The following TMPRSS7 variants were observed in gnomAD, a reference collection of about 807,000 sequenced individuals.
The protein encoded by TMPRSS7 is transmembrane serine protease 7.
In TMPRSS7, 81 loss-of-function variants were observed where a neutral mutation model predicts 95.6. That is an observed-to-expected ratio of 0.85 (90% CI 0.71 to 1.02). TMPRSS7 has a LOEUF of 1.02. TMPRSS7 is among the 50% of genes least tolerant of loss of function. The pLI, the probability that TMPRSS7 is intolerant of heterozygous loss-of-function variation, is 0.00. For missense variants in TMPRSS7, 945 were observed against 955.2 expected (o/e 0.99, Z 0.14); for synonymous variants, 364 against 337.8 (o/e 1.08, Z -0.85).
At chr3:112,077,003 A>T (rs754935886) in exon 16 of TMPRSS7, 9 of 1,614,042 alleles carry the variant, frequency 5.6e-6, no homozygotes, top group Non-Finnish European at 7.6e-6. Context: ...TGATTATGAT[A>T]TTGCTTTGCT....
intron 13 of TMPRSS7, among the ~76,000 whole-genome samples, chr3:112,069,475 G>A (rs2073616343): frequency 6.6e-6 from 1 of 152,238 alleles, no homozygotes; most frequent in Admixed American, 6.5e-5. Context: ...TTGGTTGGTA[G>A]GCTATTAAGT....
At chr3:112,039,210 G>A (rs2073181409) in intron 2 of TMPRSS7, among the ~76,000 whole-genome samples, 1 of 152,130 alleles carries the variant, frequency 6.6e-6, no homozygotes, top group African/African-American at 2.4e-5. Context: ...TATCGGAGTT[G>A]CCATCTATAC....
chr3:112,037,074 T>A (rs2073154704), intron 1 of TMPRSS7, among the ~76,000 whole-genome samples: 1 of 152,194 alleles, frequency 6.6e-6, no homozygotes, highest in African/African-American at 2.4e-5. Context: ...AAAGCATGTG[T>A]GTTTGAACAA....
chr3:112,049,886 A>G, exon 8 of TMPRSS7: 1 of 1,554,022 alleles, frequency 6.4e-7, no homozygotes, highest in Non-Finnish European at 8.8e-7. Context: ...TTGTTTCTAC[A>G]AATAATCTCA....
chr3:112,080,572 T>TACC (rs3082394), intron 17 of TMPRSS7, among the ~76,000 whole-genome samples: 129,073 of 150,458 alleles, frequency 0.86, 55,820 homozygotes, highest in East Asian at 1. Flanking sequence ...CTACTACTAT[T>TACC]ACCACCACCA....
chr3:112,078,580 G>A lies in TMPRSS7; in HGVS notation c.2225-162G>A, dbSNP rs115133099. Among the ~76,000 whole-genome samples, 578 of 152,254 alleles carry A rather than the reference G, an allele frequency of 3.8e-3. 4 individuals carry two copies. The highest frequency in any genetic ancestry group is 0.013 in the African/African-American group (534 of 41,552). On this transcript the variant is annotated intron_variant, in intron 16 of 17. Transcript: ENST00000452346. ...CAAGCCCTTTAATCTCCTAGCACTCGATTTCTTCATCAGCAAAATGAGGAT... is the reference window on the plus strand; with the variant it reads ...CAAGCCCTTTAATCTCCTAGCACTCAATTTCTTCATCAGCAAAATGAGGAT...
At chr3:112,044,650 T>C (rs2073254560) in intron 4 of TMPRSS7, among the ~76,000 whole-genome samples, 1 of 152,302 alleles carries the variant, frequency 6.6e-6, no homozygotes, top group East Asian at 1.9e-4. Flanking sequence ...GATTTCTTAA[T>C]GTTCAGTGAA....
At chr3:112,061,283 A>G (rs1023620182) in intron 10 of TMPRSS7, among the ~76,000 whole-genome samples, 1 of 152,238 alleles carries the variant, frequency 6.6e-6, no homozygotes, top group Non-Finnish European at 1.5e-5. Context: ...GGAGACGGAC[A>G]TTAATTCTTT....
chr3:112,049,465 A>G (rs1229585196), intron 7 of TMPRSS7, among the ~76,000 whole-genome samples: 1 of 152,214 alleles, frequency 6.6e-6, no homozygotes, highest in Non-Finnish European at 1.5e-5. Context: ...GGTGCTTACA[A>G]AGATTTAAGC....
At chr3:112,035,892 T>C (rs2073147174) in intron 1 of TMPRSS7, among the ~76,000 whole-genome samples, 1 of 152,258 alleles carries the variant, frequency 6.6e-6, no homozygotes, top group Non-Finnish European at 1.5e-5. Context: ...ATGAGTGTTC[T>C]ATTTCATTCT....
At chr3:112,061,963 A>C (rs2073514418) in intron 11 of TMPRSS7, 40 bp downstream of exon 11, 2 of 1,507,926 alleles carry the variant, frequency 1.3e-6, no homozygotes, top group Non-Finnish European at 1.8e-6. Flanking sequence ...CTTAATACTT[A>C]CATAGAGGAT....
chr3:112,068,463 A>G (rs181377550), intron 13 of TMPRSS7, among the ~76,000 whole-genome samples: 1 of 152,334 alleles, frequency 6.6e-6, no homozygotes, highest in African/African-American at 2.4e-5. Context: ...TGAGCATGGA[A>G]TGTTCTTCCA....
exon 6 of TMPRSS7, chr3:112,046,982 C>T (rs946790720): frequency 1.6e-5 from 11 of 702,654 alleles, no homozygotes; most frequent in Admixed American, 4.0e-5. Flanking sequence ...AGCTGGGCTT[C>T]GGTCGGATTA....
exon 12 of TMPRSS7, chr3:112,063,556 C>G (rs774790456): frequency 1.1e-5 from 18 of 1,613,824 alleles, no homozygotes; most frequent in Non-Finnish European, 1.4e-5. Flanking sequence ...GATGCTCCTC[C>G]GGTTTATGTG....
At chr3:112,048,046 A>G (rs1364696762) in intron 7 of TMPRSS7, 79 bp downstream of exon 7, 1 of 1,405,272 alleles carries the variant, frequency 7.1e-7, no homozygotes, top group Non-Finnish European at 9.8e-7. Flanking sequence ...TTCCCCCTGG[A>G]TTTTTTTTTA....
chr3:112,044,897 T>C (rs1431176826), intron 4 of TMPRSS7, among the ~76,000 whole-genome samples: 1 of 152,174 alleles, frequency 6.6e-6, no homozygotes, highest in Non-Finnish European at 1.5e-5. Flanking sequence ...GAATGCCATG[T>C]TATGTTCCTT....
At chr3:112,074,351 A>G (rs2073688169) in exon 14 of TMPRSS7, 1 of 1,614,050 alleles carries the variant, frequency 6.2e-7, no homozygotes, top group Non-Finnish European at 8.5e-7. Context: ...GCTTTAGGAA[A>G]CAAAATGCAA....
intron 10 of TMPRSS7, among the ~76,000 whole-genome samples, chr3:112,060,130 C>T (rs1353935387): frequency 6.6e-6 from 1 of 152,104 alleles, no homozygotes; most frequent in Non-Finnish European, 1.5e-5. Flanking sequence ...TAGTGATTTT[C>T]AAAAGGGGAG....
At chr3:112,077,653 G>A (rs1267145105) in intron 16 of TMPRSS7, among the ~76,000 whole-genome samples, 1 of 152,080 alleles carries the variant, frequency 6.6e-6, no homozygotes, top group Non-Finnish European at 1.5e-5. Flanking sequence ...AGAAACTCAG[G>A]CCTGGAGGTT....
Sources: gnomAD v4.1 joint callset for allele counts (sites outside exome capture counted in the v4.1 genomes callset) on GRCh38, gnomAD v4.1.1 for gene constraint, MANE v1.5 for transcripts, NCBI Gene and HGNC (gene_info 2026-07-23, HGNC 2026-07-21) for gene names.